The following PRIM2 variants were observed in gnomAD, a reference collection of about 807,000 sequenced individuals.
The protein encoded by PRIM2 is DNA primase large subunit.
A neutral mutation model predicts 67.3 loss-of-function variants in PRIM2; 39 were observed. The ratio of observed to expected loss-of-function variants is 0.58; its 90% CI spans 0.45 to 0.76. The LOEUF (loss-of-function observed/expected upper bound fraction) is 0.76. PRIM2 is among the 30% of genes least tolerant of loss of function. PRIM2 has a pLI of 0.00. For synonymous variants in PRIM2, 143 were observed against 198.7 expected (o/e 0.72, Z 2.36); for missense variants, 398 against 598.7 (o/e 0.66, Z 3.50).
chr6:57,607,306 A>C (rs1242075992), intron 12 of PRIM2, among the ~76,000 whole-genome samples: 7 of 152,158 alleles, frequency 4.6e-5, no homozygotes, highest in African/African-American at 1.7e-4. Context: ...AGCAGTGTTC[A>C]AGGTGCCATA....
At chr6:57,243,633 C>A in the PRIM2 span, among the ~76,000 whole-genome samples, 1 of 152,008 alleles carries the variant, frequency 6.6e-6, no homozygotes, top group Non-Finnish European at 1.5e-5. Flanking sequence ...TACGCCCCGA[C>A]TCTTTTTTTT....
At chr6:57,630,787 C>T (rs1777026338) in intron 12 of PRIM2, among the ~76,000 whole-genome samples, 1 of 152,090 alleles carries the variant, frequency 6.6e-6, no homozygotes, top group Non-Finnish European at 1.5e-5. Flanking sequence ...TTTATCTCAT[C>T]ACAATTTGAA....
At chr6:57,539,612 TTG>T (rs1232932730) in intron 10 of PRIM2, among the ~76,000 whole-genome samples, 17,157 of 129,074 alleles carry the variant, frequency 0.13, 1,218 homozygotes, top group South Asian at 0.22. Flanking sequence ...ATTATATTCT[TTG>T]TGTGTGTGTG....
chr6:57,246,147 C>A, the PRIM2 span, among the ~76,000 whole-genome samples: 1 of 152,146 alleles, frequency 6.6e-6, no homozygotes, highest in Non-Finnish European at 1.5e-5. Flanking sequence ...CTTCCTGTAA[C>A]TTATTTAATT....
chr6:57,324,776 T>TC, intron 4 of PRIM2, among the ~76,000 whole-genome samples: 1 of 152,320 alleles, frequency 6.6e-6, no homozygotes, highest in African/African-American at 2.4e-5. Flanking sequence ...AAATTGTTTT[T>TC]CCCTCACATG....
At chr6:57,325,828 A>G in intron 4 of PRIM2, 97 bp from the exon 5 acceptor site, 3 of 1,260,220 alleles carry the variant, frequency 2.4e-6, no homozygotes, top group Admixed American at 5.2e-5. Context: ...GTCCATTGGC[A>G]TCTTGCTGAT....
At chr6:57,407,521 A>G (rs1362912115) in intron 7 of PRIM2, among the ~76,000 whole-genome samples, 1 of 152,070 alleles carries the variant, frequency 6.6e-6, no homozygotes, top group Admixed American at 6.5e-5. Context: ...GGAATAAAGA[A>G]TGGCTACTTT....
chr6:57,306,283 G>T, the PRIM2 span, among the ~76,000 whole-genome samples: 2 of 152,096 alleles, frequency 1.3e-5, no homozygotes, highest in Non-Finnish European at 2.9e-5. Flanking sequence ...TGGTACCCAA[G>T]TGAGAGGGCC....
intron 10 of PRIM2, among the ~76,000 whole-genome samples, chr6:57,553,727 A>G (rs1199182767): frequency 2.0e-3 from 308 of 152,298 alleles, no homozygotes; most frequent in African/African-American, 7.1e-3. Context: ...TTGCGACTGC[A>G]GAAACACTGC....
intron 7 of PRIM2, among the ~76,000 whole-genome samples, chr6:57,466,156 C>G (rs1348486739): frequency 4.6e-5 from 7 of 152,122 alleles, no homozygotes; most frequent in Admixed American, 4.6e-4. Context: ...TGAACTTATC[C>G]TTTTCTATGG....
chr6:57,227,507 T>C, the PRIM2 span, among the ~76,000 whole-genome samples: 1 of 151,742 alleles, frequency 6.6e-6, no homozygotes, highest in South Asian at 2.1e-4. Context: ...AGCTGGGCGT[T>C]GTGGCGCACG....
the PRIM2 span, among the ~76,000 whole-genome samples, chr6:57,298,180 C>T: frequency 4.6e-5 from 7 of 151,882 alleles, no homozygotes; most frequent in Admixed American, 2.6e-4. Flanking sequence ...GCCAATGTGG[C>T]GAAACCCCGT....
At chr6:57,521,367 GTT>G (rs1163114437) in intron 8 of PRIM2, among the ~76,000 whole-genome samples, 9,954 of 97,804 alleles carry the variant, frequency 0.1, 559 homozygotes, top group African/African-American at 0.15. Flanking sequence ...TGTGGTTAGG[GTT>G]TTTTTTTTTT....
chr6:57,432,058 A>G (rs1287243961), intron 7 of PRIM2, among the ~76,000 whole-genome samples: 3 of 152,210 alleles, frequency 2.0e-5, no homozygotes, highest in Non-Finnish European at 4.4e-5. Flanking sequence ...TTCTAAGCCA[A>G]GTAATATGTT....
chr6:57,386,690 C>T (rs1412842528), intron 7 of PRIM2, among the ~76,000 whole-genome samples: 11 of 150,600 alleles, frequency 7.3e-5, no homozygotes, highest in African/African-American at 2.7e-4. Context: ...CGAAGGAGTT[C>T]ATTTAGGGCT....
intron 7 of PRIM2, among the ~76,000 whole-genome samples, chr6:57,458,846 G>C (rs1220965108): frequency 3.9e-5 from 6 of 152,148 alleles, no homozygotes; most frequent in Non-Finnish European, 2.9e-5. Context: ...TTGTATGGGA[G>C]GAATTATGTA....
chr6:57,237,917 A>G, the PRIM2 span, among the ~76,000 whole-genome samples: 1 of 152,128 alleles, frequency 6.6e-6, no homozygotes, highest in Non-Finnish European at 1.5e-5. Context: ...TTCTTTCCAT[A>G]TGAACTTTGG....
chr6:57,538,397 A>G (rs1464021922), intron 10 of PRIM2, among the ~76,000 whole-genome samples: 1 of 152,140 alleles, frequency 6.6e-6, no homozygotes, highest in African/African-American at 2.4e-5. Flanking sequence ...CCCTATCTGC[A>G]GTGCTTATAT....
At chr6:57,232,484 G>A in the PRIM2 span, among the ~76,000 whole-genome samples, 1 of 152,180 alleles carries the variant, frequency 6.6e-6, no homozygotes, top group Non-Finnish European at 1.5e-5. Flanking sequence ...CTGAGGCGGA[G>A]GTTGCAGTGA....
Sources: gnomAD v4.1 joint callset for allele counts (sites outside exome capture counted in the v4.1 genomes callset) on GRCh38, gnomAD v4.1.1 for gene constraint, MANE v1.5 for transcripts, NCBI Gene and HGNC (gene_info 2026-07-23, HGNC 2026-07-21) for gene names.